Variants in DLGAP2 observed in about 807,000 individuals in gnomAD.
DLGAP2 encodes the protein disks large-associated protein 2.
Under a neutral mutation model 100.3 loss-of-function variants are expected in DLGAP2, and 26 were observed. The observed-to-expected ratio is 0.26, with a 90% CI of 0.19 to 0.36. The LOEUF is 0.36. Among genes scored for constraint, DLGAP2 ranks in the 10% least tolerant of loss-of-function variants. The pLI, the probability that DLGAP2 is intolerant of heterozygous loss-of-function variation, is 1.00. For missense variants in DLGAP2, 1,858 were observed against 1,453.2 expected, an observed-to-expected ratio of 1.28 and a Z score of -4.53; for synonymous variants, 886 against 630.1, an observed-to-expected ratio of 1.41 and a Z score of -6.08.
At chr8:1,206,901 G>T (rs781101915) in intron 2 of DLGAP2, among the ~76,000 whole-genome samples, 9 of 151,966 alleles carry the variant, frequency 5.9e-5, no homozygotes, top group African/African-American at 2.2e-4. Flanking sequence ...GTCTGCCCCC[G>T]GCCCCGTCTC....
intron 4 of DLGAP2, among the ~76,000 whole-genome samples, chr8:1,515,388 G>A (rs1317346070): frequency 6.6e-6 from 1 of 152,120 alleles, no homozygotes; most frequent in Non-Finnish European, 1.5e-5. Context: ...GCACATACAT[G>A]AACACACAGG....
chr8:1,121,893 C>T (rs1432234168), intron 2 of DLGAP2, among the ~76,000 whole-genome samples: 1 of 152,234 alleles, frequency 6.6e-6, no homozygotes, highest in African/African-American at 2.4e-5. Flanking sequence ...CATCCATGAG[C>T]ATCTGTCCTA....
intron 1 of DLGAP2, among the ~76,000 whole-genome samples, chr8:805,112 T>G (rs1452222856): frequency 6.6e-6 from 1 of 152,188 alleles, no homozygotes; most frequent in Non-Finnish European, 1.5e-5. Context: ...CCTGACTGAT[T>G]CGTAATGGGA....
intron 3 of DLGAP2, among the ~76,000 whole-genome samples, chr8:1,486,264 A>G (rs189845601): frequency 1.4e-4 from 22 of 152,296 alleles, no homozygotes; most frequent in Non-Finnish European, 1.3e-4. Flanking sequence ...AAGCCTGCAT[A>G]TTACGGCAGA....
At chr8:1,221,772 T>C (rs934195523) in intron 2 of DLGAP2, among the ~76,000 whole-genome samples, 1 of 152,188 alleles carries the variant, frequency 6.6e-6, no homozygotes, top group Admixed American at 6.5e-5. Flanking sequence ...TCTCACATAT[T>C]TCTCAGAGGT....
At chr8:946,065 G>A (rs1296098503) in intron 2 of DLGAP2, among the ~76,000 whole-genome samples, 2 of 119,978 alleles carry the variant, frequency 1.7e-5, no homozygotes, top group African/African-American at 5.5e-5. Context: ...TTCCAGGGCT[G>A]CAGCCTCCTG....
At chr8:1,165,904 GATA>G (rs1278192387) in intron 2 of DLGAP2, among the ~76,000 whole-genome samples, 1 of 151,384 alleles carries the variant, frequency 6.6e-6, no homozygotes, top group Non-Finnish European at 1.5e-5. Context: ...CCACTTTTAA[GATA>G]ATAACAGATT....
At chr8:1,433,830 G>T (rs1020290606) in intron 3 of DLGAP2, among the ~76,000 whole-genome samples, 2 of 145,016 alleles carry the variant, frequency 1.4e-5, no homozygotes, top group Admixed American at 7.4e-5. Flanking sequence ...TTATTAAATG[G>T]TATAAACCTC....
chr8:1,622,221 T>C (rs1229682566), intron 6 of DLGAP2: 1 of 152,220 alleles, frequency 6.6e-6, no homozygotes, highest in African/African-American at 2.4e-5. Context: ...ACTTCTTATA[T>C]TTGGGAGCTT....
At chr8:898,160 C>T (rs1798182319) in intron 1 of DLGAP2, among the ~76,000 whole-genome samples, 2 of 152,182 alleles carry the variant, frequency 1.3e-5, no homozygotes, top group Admixed American at 6.5e-5. Context: ...CTCAGTCAGC[C>T]GCTGAGGGCT....
intron 3 of DLGAP2, among the ~76,000 whole-genome samples, chr8:1,384,090 A>G (rs1458975265): frequency 6.6e-6 from 1 of 152,240 alleles, no homozygotes; most frequent in Non-Finnish European, 1.5e-5. Flanking sequence ...TTATTTAGGC[A>G]TCAATTAATA....
intron 1 of DLGAP2, among the ~76,000 whole-genome samples, chr8:888,176 A>C (rs6998049): frequency 0.011 from 1,745 of 152,164 alleles, 33 homozygotes; most frequent in African/African-American, 0.04. Context: ...TTGGTCAATT[A>C]AGCTATTGAT....
chr8:1,108,842 C>CA, intron 2 of DLGAP2, among the ~76,000 whole-genome samples: 1 of 126,606 alleles, frequency 7.9e-6, no homozygotes, highest in South Asian at 2.8e-4. Flanking sequence ...ATGAAGTGTG[C>CA]TGGGTCTGTG....
intron 3 of DLGAP2, among the ~76,000 whole-genome samples, chr8:1,473,042 T>C (rs1312590885): frequency 6.6e-6 from 1 of 152,204 alleles, no homozygotes; most frequent in Non-Finnish European, 1.5e-5. Flanking sequence ...GCGATTCTCC[T>C]GCCTCAGTCT....
intron 3 of DLGAP2, among the ~76,000 whole-genome samples, chr8:1,278,171 C>T (rs1008018191): frequency 1.3e-5 from 2 of 152,200 alleles, no homozygotes; most frequent in African/African-American, 4.8e-5. Context: ...TGTGTTCCAG[C>T]TCTTTCTCCT....
chr8:1,659,147 G>A (rs1258128712), intron 8 of DLGAP2, among the ~76,000 whole-genome samples: 1 of 152,132 alleles, frequency 6.6e-6, no homozygotes, highest in Admixed American at 6.6e-5. Flanking sequence ...GTAGTTGTGC[G>A]GTTTTGAGTG....
At chr8:1,416,168 A>G (rs1465599159) in intron 3 of DLGAP2, among the ~76,000 whole-genome samples, 3 of 152,186 alleles carry the variant, frequency 2.0e-5, no homozygotes, top group Non-Finnish European at 2.9e-5. Context: ...TGGACGTGAA[A>G]CCCATCCTGT....
At chr8:1,257,983 C>G (rs62489193) in intron 2 of DLGAP2, among the ~76,000 whole-genome samples, 16,467 of 152,248 alleles carry the variant, frequency 0.11, 978 homozygotes, top group South Asian at 0.15. Flanking sequence ...CCATGAAGAC[C>G]TTGCACTCGT....
At chr8:935,823 T>C (rs1799058042) in intron 2 of DLGAP2, among the ~76,000 whole-genome samples, 1 of 152,194 alleles carries the variant, frequency 6.6e-6, no homozygotes. Context: ...CTGGGTTGGC[T>C]TTTTGTTTTT....
Sources: gnomAD v4.1 joint callset for allele counts (sites outside exome capture counted in the v4.1 genomes callset) on GRCh38, gnomAD v4.1.1 for gene constraint, MANE v1.5 for transcripts, NCBI Gene and HGNC (gene_info 2026-07-23, HGNC 2026-07-21) for gene names.